The following HPSE2 variants were observed in gnomAD, a reference collection of about 807,000 sequenced individuals.
The protein encoded by HPSE2 is heparanase 2 (inactive).
HPSE2 carries 38 observed loss-of-function variants against 60.5 expected under a neutral mutation model. The ratio of observed to expected loss-of-function variants is 0.63; its 90% CI spans 0.48 to 0.82. HPSE2 has a LOEUF of 0.82. Among genes scored for constraint, HPSE2 ranks in the 40% least tolerant of loss-of-function variants. The pLI, the probability that HPSE2 is intolerant of heterozygous loss-of-function variation, is 0.00. For missense variants in HPSE2, 713 were observed against 740.4 expected (o/e 0.96, Z 0.43); for synonymous variants, 295 against 293.2 (o/e 1.01, Z -0.06).
intron 3 of HPSE2, among the ~76,000 whole-genome samples, chr10:99,133,933 AG>A (rs1845545591): frequency 6.6e-6 from 1 of 152,190 alleles, no homozygotes; most frequent in Non-Finnish European, 1.5e-5. Context: ...TCTGAGCTAA[AG>A]GAGCATGTTC....
At chr10:98,779,395 C>A (rs1950415738) in intron 3 of HPSE2, among the ~76,000 whole-genome samples, 1 of 152,074 alleles carries the variant, frequency 6.6e-6, no homozygotes, top group Admixed American at 6.6e-5. Flanking sequence ...AGAGAAAGGA[C>A]CCCTCCCACA....
intron 2 of HPSE2, among the ~76,000 whole-genome samples, chr10:99,201,113 C>T (rs950136644): frequency 2.0e-5 from 3 of 151,796 alleles, no homozygotes; most frequent in African/African-American, 4.8e-5. Flanking sequence ...ATGTTATTAA[C>T]TCCTCAGTTT....
At chr10:98,662,456 C>A (rs1417762706) in intron 6 of HPSE2, among the ~76,000 whole-genome samples, 1 of 152,144 alleles carries the variant, frequency 6.6e-6, no homozygotes, top group Non-Finnish European at 1.5e-5. Flanking sequence ...AACACAGGAA[C>A]AGAAAACCAA....
intron 10 of HPSE2, among the ~76,000 whole-genome samples, chr10:98,486,783 A>G (rs543342701): frequency 6.6e-6 from 1 of 152,300 alleles, no homozygotes; most frequent in Non-Finnish European, 1.5e-5. Flanking sequence ...TCTAATTCAA[A>G]GGTTTTGGGT....
At chr10:99,006,191 C>T (rs1363894227) in intron 3 of HPSE2, among the ~76,000 whole-genome samples, 6 of 152,070 alleles carry the variant, frequency 3.9e-5, no homozygotes, top group Admixed American at 3.9e-4. Context: ...TCCACAGGAG[C>T]TGGCTTGGAA....
At chr10:98,892,855 G>GT (rs1365020577) in intron 3 of HPSE2, among the ~76,000 whole-genome samples, 4 of 151,938 alleles carry the variant, frequency 2.6e-5, no homozygotes, top group African/African-American at 9.7e-5. Flanking sequence ...TCTTGTTTTT[G>GT]TTTTCTTTTC....
chr10:99,184,817 TATAGAGAGAGAGAGAGAGAGAGAGAG>T lies in HPSE2; in HGVS notation c.449-40444_449-40419del, dbSNP rs1160818980. Among the ~76,000 whole-genome samples, 63 of 17,190 alleles carry T rather than the reference TATAGAGAGAGAGAGAGAGAGAGAGAG, an allele frequency of 3.7e-3. 1 individual carries two copies. The highest frequency in any genetic ancestry group is 0.01 in the Admixed American group (13 of 1,286). The allele number at this position is 17,190 out of a possible 152,430, so 11.3% of individuals were successfully genotyped here. Reference sequence around the variant, plus strand: ...ATATATATATATATATATATATATATATAGAGAGAGAGAGAGAGAGAGAGAGAGAGAGAGAGAGAGAGAGAGACAGA... The same window carrying T: ...ATATATATATATATATATATATATATAGAGAGAGAGAGAGAGAGAGACAGA... On this transcript the variant is annotated intron_variant, in intron 2 of 11. Transcript: ENST00000370552.
chr10:98,987,018 A>C (rs1240550372), intron 3 of HPSE2, among the ~76,000 whole-genome samples: 1 of 152,116 alleles, frequency 6.6e-6, no homozygotes, highest in Non-Finnish European at 1.5e-5. Flanking sequence ...ACCAACCAAA[A>C]AAAGTCCAGG....
At chr10:98,773,070 G>C (rs1472762653) in intron 3 of HPSE2, among the ~76,000 whole-genome samples, 1 of 152,140 alleles carries the variant, frequency 6.6e-6, no homozygotes, top group African/African-American at 2.4e-5. Flanking sequence ...TTCCTATGGT[G>C]ATCTGTTTCA....
chr10:98,788,815 C>A (rs185942231), intron 3 of HPSE2, among the ~76,000 whole-genome samples: 3 of 150,942 alleles, frequency 2.0e-5, no homozygotes, highest in Non-Finnish European at 3.0e-5. Context: ...GAGCACGGTG[C>A]GCACACACAC....
intron 11 of HPSE2, among the ~76,000 whole-genome samples, chr10:98,465,700 C>T (rs148277527): frequency 4.6e-4 from 70 of 152,218 alleles, no homozygotes; most frequent in African/African-American, 1.4e-3. Context: ...CTTTGAAAAC[C>T]GTCCTTATCA....
At chr10:99,222,456 T>TA (rs1849346096) in intron 2 of HPSE2, among the ~76,000 whole-genome samples, 1 of 152,192 alleles carries the variant, frequency 6.6e-6, no homozygotes, top group Non-Finnish European at 1.5e-5. Context: ...TCAATTCCCT[T>TA]TTCTCTTCAC....
At chr10:98,509,722 G>A (rs7099512) in intron 9 of HPSE2, among the ~76,000 whole-genome samples, 3,898 of 152,108 alleles carry the variant, frequency 0.026, 172 homozygotes, top group African/African-American at 0.088. Flanking sequence ...GGCTGGTCTC[G>A]AACTGCTGAC....
At chr10:99,049,212 AAAAG>A (rs1251054976) in intron 3 of HPSE2, among the ~76,000 whole-genome samples, 6 of 152,194 alleles carry the variant, frequency 3.9e-5, no homozygotes, top group African/African-American at 1.4e-4. Flanking sequence ...AGTTGAAGTT[AAAAG>A]AAATTCCCAT....
At chr10:98,911,319 C>T (rs1005384839) in intron 3 of HPSE2, among the ~76,000 whole-genome samples, 1 of 152,142 alleles carries the variant, frequency 6.6e-6, no homozygotes, top group Non-Finnish European at 1.5e-5. Context: ...GGTTCACAGG[C>T]TTCTGAGGGG....
chr10:99,270,196 T>C, the HPSE2 span, among the ~76,000 whole-genome samples: 1 of 152,120 alleles, frequency 6.6e-6, no homozygotes, highest in Non-Finnish European at 1.5e-5. Context: ...AGCTGGTTCT[T>C]TGAAAATATA....
chr10:98,566,651 T>G (rs1457145925), intron 9 of HPSE2, among the ~76,000 whole-genome samples: 2 of 152,216 alleles, frequency 1.3e-5, no homozygotes, highest in Non-Finnish European at 2.9e-5. Flanking sequence ...AGGCCATCAG[T>G]AACCTGCCCA....
intron 1 of HPSE2, 145 bp from the exon 2 acceptor site, chr10:99,232,650 C>A: frequency 1.0e-6 from 1 of 966,892 alleles, no homozygotes; most frequent in South Asian, 1.5e-5. Flanking sequence ...GCAGTCCACG[C>A]TGGCCCTTGG....
At chr10:99,102,334 TC>T (rs1471074466) in intron 3 of HPSE2, among the ~76,000 whole-genome samples, 31 of 152,118 alleles carry the variant, frequency 2.0e-4, no homozygotes, top group Admixed American at 2.0e-3. Context: ...CAAACTACCA[TC>T]AGAGAATACT....
Sources: allele counts gnomAD v4.1 joint callset (sites outside exome capture counted in the v4.1 genomes callset), GRCh38; gene constraint gnomAD v4.1.1; transcripts MANE v1.5; gene names NCBI Gene and HGNC (gene_info 2026-07-23, HGNC 2026-07-21).